Variants in PNPLA8 observed in about 807,000 individuals in gnomAD.
The protein encoded by PNPLA8 is calcium-independent phospholipase A2-gamma.
Under a neutral mutation model 76.9 loss-of-function variants are expected in PNPLA8, and 39 were observed. The ratio of observed to expected loss-of-function variants is 0.51; its 90% confidence interval spans 0.39 to 0.66. The LOEUF (loss-of-function observed/expected upper bound fraction) is 0.66, where lower values mean the gene tolerates loss of function less well. Among genes scored for constraint, PNPLA8 ranks in the 30% least tolerant of loss-of-function variants. The probability of loss-of-function intolerance (pLI) is 0.00; values close to 1 mark genes in which losing one functional copy is unlikely to be tolerated. For missense variants in PNPLA8, 887 were observed against 918.0 expected (o/e 0.97, Z 0.44); for synonymous variants, 301 against 307.9 (o/e 0.98, Z 0.24).
intron 5 of PNPLA8, among the ~76,000 whole-genome samples, chr7:108,500,451 G>A (rs1861853470): frequency 6.6e-6 from 1 of 152,140 alleles, no homozygotes; most frequent in Non-Finnish European, 1.5e-5. Flanking sequence ...TGCCAACCGA[G>A]CACTTCTGTA....
At chr7:108,498,203 G>C (rs781227539) in intron 5 of PNPLA8, among the ~76,000 whole-genome samples, 1 of 149,864 alleles carries the variant, frequency 6.7e-6, no homozygotes, top group Non-Finnish European at 1.5e-5. Flanking sequence ...GCCATACCTT[G>C]GTTTCCTCTC....
In PNPLA8 at chr7:108,470,591, A is replaced by G. The variant is rs138243850; in HGVS notation, c.*1810T>C. ...TAAATATTACTTTATTGTGCTTGAAATTTGCTTTATTACGAAGAATTCCCA... is the reference window on the plus strand; with the variant it reads ...TAAATATTACTTTATTGTGCTTGAAGTTTGCTTTATTACGAAGAATTCCCA... On this transcript the variant is annotated 3_prime_UTR_variant, in exon 11 of 11. Coordinates refer to ENST00000257694, the MANE Select transcript of PNPLA8 (RefSeq NM_001256007.3). 1.4e-3 allele frequency: 216 copies of G among 152,208 alleles called. No homozygotes were observed. The highest frequency in any genetic ancestry group is 5.0e-3 in the African/African-American group (209 of 41,542). 9.4% of individuals were successfully genotyped at this position (152,208 alleles called of 1,614,324 possible).
chr7:108,526,712 T>C (rs1864110674), upstream of PNPLA8, among the ~76,000 whole-genome samples: 1 of 152,114 alleles, frequency 6.6e-6, no homozygotes, highest in Non-Finnish European at 1.5e-5. Flanking sequence ...TATATTACTG[T>C]ATTGGAAGTT....
chr7:108,494,540 AT>A (rs1006658416), intron 7 of PNPLA8, among the ~76,000 whole-genome samples: 7 of 151,882 alleles, frequency 4.6e-5, no homozygotes, highest in South Asian at 2.1e-4. Context: ...AAAGGACATG[AT>A]TTTTTTTTAT....
chr7:108,510,078 G>A (rs1862786070), intron 4 of PNPLA8, among the ~76,000 whole-genome samples: 1 of 141,000 alleles, frequency 7.1e-6, no homozygotes, highest in Non-Finnish European at 1.5e-5. Context: ...CCTAATGCTA[G>A]ATGATGAGTT....
At chr7:108,483,851 G>C (rs1286172888) in intron 9 of PNPLA8, among the ~76,000 whole-genome samples, 3 of 151,994 alleles carry the variant, frequency 2.0e-5, no homozygotes, top group African/African-American at 7.2e-5. Context: ...TTTTTCCTTT[G>C]TTTTCAATTA....
chr7:108,521,928 G>C lies in PNPLA8; in HGVS notation c.-129-407C>G, dbSNP rs118157846. 3.7e-3 allele frequency among the ~76,000 whole-genome samples: 565 copies of C among 152,238 alleles called. 21 individuals carry two copies. The East Asian group carries it at 0.072, about 19-fold the overall frequency. On this transcript the variant is annotated intron_variant, in intron 1 of 10. Coordinates refer to ENST00000257694, the MANE Select transcript of PNPLA8 (RefSeq NM_001256007.3). ...AACCTGAAAATCTAGTTCAGGCCAC[G>C]ATGGAAGGGGGGTTGGATGTGCCTC... is the stretch of plus-strand genomic sequence containing the variant.
At position 108,479,184 on chromosome 7, in the gene PNPLA8, C is replaced by T; in HGVS notation, c.2074G>A (p.Glu692Lys). The T allele has an allele frequency of 6.2e-7, 1 of 1,602,554 alleles. No individual in the cohort carries two copies. Among genetic ancestry groups the T allele is most frequent in the Non-Finnish European group, 8.5e-7 (1 of 1,171,046 alleles). Residue 692 changes from glutamate to lysine, a missense_variant and splice_region_variant, in exon 10 of 11, where the codon GAA (glutamate) becomes AAA (lysine). Coordinates refer to ENST00000257694, the MANE Select transcript of PNPLA8 (RefSeq NM_001256007.3). ...NVINSATDTE[E>K]VHIMLDGLLP... ...TTTTAAAGCAGCAAACAAGACTAACCTTCTGTATCTGTAGCACTGTTGATA... is the reference window on the plus strand; with the variant it reads ...TTTTAAAGCAGCAAACAAGACTAACTTTCTGTATCTGTAGCACTGTTGATA...
chr7:108,505,559 C>T (rs2154516147), intron 4 of PNPLA8, among the ~76,000 whole-genome samples: 1 of 150,566 alleles, frequency 6.6e-6, no homozygotes, highest in African/African-American at 2.4e-5. Flanking sequence ...GACGAGGTTT[C>T]ACCACGTTGG....
intron 4 of PNPLA8, among the ~76,000 whole-genome samples, chr7:108,513,849 T>G (rs1020292281): frequency 6.6e-6 from 1 of 152,282 alleles, no homozygotes; most frequent in African/African-American, 2.4e-5. Flanking sequence ...AATATTTACA[T>G]TGCACTAAAG....
At chr7:108,514,396 C>T in intron 3 of PNPLA8, 40 bp downstream of exon 3, 1 of 1,562,174 alleles carries the variant, frequency 6.4e-7, no homozygotes, top group Non-Finnish European at 8.7e-7. Context: ...ATAAATTTGA[C>T]AAAAAGTAAT....
chr7:108,472,991 T>C (rs1030449920), intron 10 of PNPLA8, among the ~76,000 whole-genome samples: 14 of 152,332 alleles, frequency 9.2e-5, no homozygotes, highest in Non-Finnish European at 1.8e-4. Flanking sequence ...ATCAACTTCA[T>C]TGACATATCA....
In PNPLA8 at chr7:108,514,612, G is replaced by A; in HGVS notation, c.880C>T (p.Pro294Ser). The A allele has an allele frequency of 1.2e-6, 2 of 1,614,048 alleles. No individual in the cohort carries two copies. Among genetic ancestry groups the A allele is most frequent in the South Asian group, 1.1e-5 (1 of 91,082 alleles). ...KQSIANFLSR[P>S]TEGVQALVGG... The stretch of plus-strand genomic sequence containing the variant: ...ACTAAAGCTTGTACACCTTCCGTGG[G>A]ACGAGAAAGAAAGTTAGCAATACTT... Residue 294 changes from proline to serine, a missense_variant, in exon 3 of 11, where the codon CCC becomes TCC. Coordinates refer to ENST00000257694, the MANE Select transcript of PNPLA8 (RefSeq NM_001256007.3).
At chr7:108,498,855 T>C (rs1409710069) in intron 5 of PNPLA8, among the ~76,000 whole-genome samples, 1 of 152,164 alleles carries the variant, frequency 6.6e-6, no homozygotes, top group East Asian at 1.9e-4. Context: ...AAAAGCTCTA[T>C]TCCCAACACA....
intron 10 of PNPLA8, among the ~76,000 whole-genome samples, chr7:108,476,410 G>A (rs189761368): frequency 1.3e-5 from 2 of 152,236 alleles, no homozygotes; most frequent in East Asian, 1.9e-4. Flanking sequence ...GAGCCATCAC[G>A]GAAATGTGAA....
intron 4 of PNPLA8, among the ~76,000 whole-genome samples, chr7:108,503,767 G>C (rs1862132066): frequency 6.6e-6 from 1 of 152,120 alleles, no homozygotes; most frequent in African/African-American, 2.4e-5. Flanking sequence ...CCAGGAAAAA[G>C]TAAAGGACCA....
intron 8 of PNPLA8, 24 bp from the exon 9 acceptor site, chr7:108,487,977 T>A (rs1322949389): frequency 7.1e-7 from 1 of 1,405,566 alleles, no homozygotes; most frequent in Non-Finnish European, 1.0e-6. Context: ...AAGTGAACAA[T>A]TCCATCATTA....
At chr7:108,476,175 G>A (rs766511996) in intron 10 of PNPLA8, among the ~76,000 whole-genome samples, 2 of 152,138 alleles carry the variant, frequency 1.3e-5, no homozygotes, top group Admixed American at 1.3e-4. Context: ...TCTTATAACA[G>A]CAATTCTTGT....
intron 1 of PNPLA8, 86 bp from the exon 2 acceptor site, chr7:108,521,607 G>C: frequency 5.8e-6 from 1 of 171,186 alleles, no homozygotes; most frequent in Non-Finnish European, 1.2e-5. Context: ...GGGAGGAGGG[G>C]AAGAAGGCCA....
Sources: gnomAD v4.1 joint callset for allele counts (sites outside exome capture counted in the v4.1 genomes callset) on GRCh38, gnomAD v4.1.1 for gene constraint, MANE v1.5 for transcripts, NCBI Gene and HGNC (gene_info 2026-07-23, HGNC 2026-07-21) for gene names.